Variants in CPA5 observed in about 807,000 individuals in gnomAD.
CPA5 encodes carboxypeptidase A5, also known as testicular tissue protein Li 32.
In CPA5, 38 loss-of-function variants were observed where a neutral mutation model predicts 52.2. The observed-to-expected ratio is 0.73, with a 90% CI of 0.56 to 0.95. The LOEUF (loss-of-function observed/expected upper bound fraction) is 0.95. Among genes scored for constraint, CPA5 ranks in the 40% least tolerant of loss-of-function variants. The probability of loss-of-function intolerance (pLI) is 0.00; values close to 1 mark genes in which losing one functional copy is unlikely to be tolerated. For synonymous variants in CPA5, 198 were observed against 213.7 expected, an observed-to-expected ratio of 0.93 and a Z score of 0.64; for missense variants, 519 against 566.7, an observed-to-expected ratio of 0.92 and a Z score of 0.86.
intron 4 of CPA5, among the ~76,000 whole-genome samples, chr7:130,348,661 C>T (rs1348983268): frequency 6.6e-6 from 1 of 152,100 alleles, no homozygotes; most frequent in Non-Finnish European, 1.5e-5. Flanking sequence ...CTCTCTGGAT[C>T]CTGACGAAGT....
chr7:130,349,406 C>T (rs1399854891), intron 4 of CPA5, among the ~76,000 whole-genome samples: 2 of 152,006 alleles, frequency 1.3e-5, no homozygotes, highest in African/African-American at 4.8e-5. Context: ...TGCACCCCAG[C>T]CTGGGCGAAA....
At chr7:130,349,927 G>C (rs1669256457) in intron 4 of CPA5, 48 bp from the exon 5 acceptor site, 2 of 1,581,314 alleles carry the variant, frequency 1.3e-6, no homozygotes, top group African/African-American at 2.7e-5. Flanking sequence ...AGGATTGTGT[G>C]GAAGGACATG....
At chr7:130,355,721 T>G (rs1554405041) in intron 5 of CPA5, among the ~76,000 whole-genome samples, 1 of 152,200 alleles carries the variant, frequency 6.6e-6, no homozygotes, top group Non-Finnish European at 1.5e-5. Flanking sequence ...CATGAGAACA[T>G]TTTAAAGTAT....
downstream of CPA5, among the ~76,000 whole-genome samples, chr7:130,369,648 T>C (rs782452123): frequency 3.9e-5 from 6 of 152,004 alleles, no homozygotes; most frequent in Non-Finnish European, 8.8e-5. Context: ...TGTGTGTGTG[T>C]GCATGTGTGT....
chr7:130,352,861 T>C (rs1274031825), intron 5 of CPA5, among the ~76,000 whole-genome samples: 6 of 151,494 alleles, frequency 4.0e-5, no homozygotes, highest in African/African-American at 1.5e-4. Context: ...ATTTTTTCCC[T>C]AGGATGAGTC....
chr7:130,360,624 C>T (rs1554406350), intron 6 of CPA5, among the ~76,000 whole-genome samples: 1 of 152,214 alleles, frequency 6.6e-6, no homozygotes, highest in African/African-American at 2.4e-5. Context: ...TTTGTTAATT[C>T]AATTACATGT....
intron 4 of CPA5, 76 bp downstream of exon 4, chr7:130,347,923 C>A (rs12532645): frequency 8.6e-7 from 1 of 1,161,540 alleles, no homozygotes; most frequent in South Asian, 1.3e-5. Flanking sequence ...TGTCCTGCCC[C>A]CCTTTATCCC....
intron 10 of CPA5, among the ~76,000 whole-genome samples, chr7:130,365,814 G>T (rs139159353): frequency 6.6e-6 from 1 of 152,230 alleles, no homozygotes; most frequent in Admixed American, 6.5e-5. Flanking sequence ...ACCTCCCCCC[G>T]CTCTGCGCAT....
At chr7:130,364,253 C>T (rs1292462406) in intron 10 of CPA5, among the ~76,000 whole-genome samples, 10 of 151,810 alleles carry the variant, frequency 6.6e-5, no homozygotes, top group South Asian at 2.1e-4. Context: ...AGTGCAGTGG[C>T]GTGATCTTGG....
At chr7:130,365,398 T>A (rs1477407726) in intron 10 of CPA5, among the ~76,000 whole-genome samples, 1 of 151,920 alleles carries the variant, frequency 6.6e-6, no homozygotes, top group East Asian at 1.9e-4. Flanking sequence ...GGAAAAAAAA[T>A]ATCCATATAC....
intron 12 of CPA5, 138 bp from the exon 13 acceptor site, chr7:130,368,272 G>A: frequency 1.3e-6 from 1 of 797,890 alleles, no homozygotes; most frequent in Admixed American, 2.7e-5. Context: ...TTGAGGCCTG[G>A]GCAGGAAGCC....
intron 9 of CPA5, 79 bp from the exon 10 acceptor site, chr7:130,363,340 C>T: frequency 8.1e-7 from 1 of 1,238,240 alleles, no homozygotes. Flanking sequence ...TCCCCTACCC[C>T]CATAGGCCAG....
downstream of CPA5, among the ~76,000 whole-genome samples, chr7:130,373,089 G>C (rs1796309460): frequency 6.6e-6 from 1 of 152,128 alleles, no homozygotes; most frequent in Admixed American, 6.5e-5. Context: ...TCACCCCTCT[G>C]GGTCTCCTCA....
downstream of CPA5, among the ~76,000 whole-genome samples, chr7:130,369,851 G>A (rs1351638566): frequency 6.6e-6 from 1 of 152,248 alleles, no homozygotes; most frequent in Admixed American, 6.5e-5. Flanking sequence ...TATCTCTAGT[G>A]TATATGAACT....
chr7:130,347,704 T>C (rs1584785264), intron 3 of CPA5, 62 bp from the exon 4 acceptor site: 3 of 1,449,204 alleles, frequency 2.1e-6, no homozygotes, highest in East Asian at 4.5e-5. Flanking sequence ...CCCTTCCAAG[T>C]GACACAGCCT....
At chr7:130,366,762 C>T (rs1314140067) in intron 10 of CPA5, among the ~76,000 whole-genome samples, 4 of 152,148 alleles carry the variant, frequency 2.6e-5, no homozygotes, top group African/African-American at 9.7e-5. Flanking sequence ...GATGGCACAC[C>T]CAGGAACGGT....
intron 6 of CPA5, 119 bp downstream of exon 6, chr7:130,359,806 T>C: frequency 4.5e-6 from 3 of 669,192 alleles, no homozygotes; most frequent in Non-Finnish European, 8.0e-6. Context: ...GACTGACACT[T>C]AGGGACTGTA....
chr7:130,368,571 G>T lies in CPA5; in HGVS notation c.1285G>T (p.Glu429Ter), dbSNP rs1352318401. 5 of 1,613,878 alleles carry T rather than the reference G, an allele frequency of 3.1e-6. No individual in the cohort carries two copies. Among genetic ancestry groups the T allele is most frequent in the Non-Finnish European group, 4.2e-6 (5 of 1,179,944 alleles). Residue 429 changes from glutamate (E) to a stop codon, truncating the protein, a stop_gained, in exon 13 of 13, where the codon GAG (glutamate) becomes TAG (stop). Coordinates refer to ENST00000474905, the MANE Select transcript of CPA5 (RefSeq NM_080385.5). LOFTEE classifies it high-confidence loss of function. ...GTGGATGGCGCTTCGGACCATCATGGAGCACACCCTGAATCACCCCTACTA... is the reference window on the plus strand; with the variant it reads ...GTGGATGGCGCTTCGGACCATCATGTAGCACACCCTGAATCACCCCTACTA... ...ETWMALRTIM[E>*]HTLNHPY
intron 5 of CPA5, among the ~76,000 whole-genome samples, chr7:130,358,637 C>T (rs782556746): frequency 9.2e-5 from 14 of 152,174 alleles, no homozygotes; most frequent in Non-Finnish European, 1.6e-4. Context: ...TCTCAGCATC[C>T]TCTGTGGCAG....
Sources: gnomAD v4.1 joint callset for allele counts (sites outside exome capture counted in the v4.1 genomes callset) on GRCh38, gnomAD v4.1.1 for gene constraint, MANE v1.5 for transcripts, NCBI Gene and HGNC (gene_info 2026-07-23, HGNC 2026-07-21) for gene names.